Variants in ITSN1 observed in about 807,000 individuals in gnomAD.
The protein encoded by ITSN1 is intersectin 1.
Under a neutral mutation model 239.8 loss-of-function variants are expected in ITSN1, and 58 were observed. The ratio of observed to expected loss-of-function variants is 0.24; its 90% CI spans 0.20 to 0.30. The LOEUF (loss-of-function observed/expected upper bound fraction) is 0.30. Ranked by LOEUF, ITSN1 falls within the 10% of genes least tolerant of loss-of-function variation. ITSN1 has a pLI of 1.00. For missense variants in ITSN1, 1,558 were observed against 2,103.3 expected (o/e 0.74, Z 5.07); for synonymous variants, 780 against 770.8 (o/e 1.01, Z -0.20).
chr21:33,883,380 C>A (rs1248563447), intron 35 of ITSN1, among the ~76,000 whole-genome samples, 170 bp from the exon 36 acceptor site: 1 of 152,224 alleles, frequency 6.6e-6, no homozygotes, highest in African/African-American at 2.4e-5. Context: ...GAAACACACA[C>A]ACATGCTCAG....
At chr21:33,685,784 C>T (rs1244411012) in intron 1 of ITSN1, among the ~76,000 whole-genome samples, 1 of 152,136 alleles carries the variant, frequency 6.6e-6, no homozygotes, top group African/African-American at 2.4e-5. Flanking sequence ...TTGAGGGAGG[C>T]ATAAAGCTGT....
intron 1 of ITSN1, among the ~76,000 whole-genome samples, chr21:33,649,637 G>A (rs551249032): frequency 3.9e-5 from 6 of 152,254 alleles, no homozygotes; most frequent in South Asian, 2.1e-4. Flanking sequence ...GTGGTAGTGC[G>A]TTTGGCCCTT....
intron 1 of ITSN1, among the ~76,000 whole-genome samples, chr21:33,669,403 A>G (rs1472215559): frequency 6.6e-6 from 1 of 150,566 alleles, no homozygotes; most frequent in Non-Finnish European, 1.5e-5. Context: ...TTATATCTGC[A>G]TGAAAAAGGG....
chr21:33,786,434 T>C (rs2070688103), intron 16 of ITSN1, among the ~76,000 whole-genome samples: 1 of 152,288 alleles, frequency 6.6e-6, no homozygotes, highest in Non-Finnish European at 1.5e-5. Context: ...AAAAGGGTAG[T>C]TTTTCTTACA....
At chr21:33,781,667 G>T (rs915927955) in intron 15 of ITSN1, 119 bp downstream of exon 15, 1 of 611,564 alleles carries the variant, frequency 1.6e-6, no homozygotes, top group East Asian at 3.1e-5. Context: ...TGTAACCTCC[G>T]CCTCCCGGGT....
At chr21:33,874,209 G>A (rs1026841285) in intron 33 of ITSN1, among the ~76,000 whole-genome samples, 2 of 151,592 alleles carry the variant, frequency 1.3e-5, no homozygotes, top group African/African-American at 4.9e-5. Flanking sequence ...CAAATCATGG[G>A]TGGTCTGTGG....
chr21:33,659,345 G>C (rs545813356), intron 1 of ITSN1, among the ~76,000 whole-genome samples: 1 of 152,228 alleles, frequency 6.6e-6, no homozygotes, highest in Admixed American at 6.5e-5. Flanking sequence ...TTCCATGTTC[G>C]GTGAGTTGTT....
chr21:33,772,092 T>A lies in ITSN1; in HGVS notation c.1074T>A (p.Phe358Leu). 1 of 1,614,244 alleles carries A rather than the reference T, an allele frequency of 6.2e-7. No homozygotes were observed. Residue 358 changes from phenylalanine to leucine, a missense_variant, in exon 12 of 40, where the codon TTT becomes TTA. Phe to Leu is a conservative substitution (Grantham distance 22). This residue lies in a region of ITSN1 where 982 missense variants were observed against 1,209.9 expected (regional missense o/e 0.81). Coordinates refer to ENST00000381318, the MANE Select transcript of ITSN1 (RefSeq NM_003024.3). ...VTFEDKKREN[F>L]ERGNLELEKR... is the part of the protein sequence containing the mutation. ...TTGAAGATAAGAAGCGGGAGAACTT[T>A]GAACGTGGCAACCTGGAACTGGAGA...
chr21:33,698,649 A>G (rs1030577378), intron 1 of ITSN1, among the ~76,000 whole-genome samples: 7 of 152,140 alleles, frequency 4.6e-5, no homozygotes, highest in Admixed American at 1.3e-4. Context: ...CAGGTTGGCT[A>G]TATGTTTGGG....
chr21:33,717,976 G>A (rs1896168591), intron 1 of ITSN1, among the ~76,000 whole-genome samples: 1 of 152,170 alleles, frequency 6.6e-6, no homozygotes, highest in South Asian at 2.1e-4. Context: ...TTAGATTTGT[G>A]TTTGGTAGTC....
At chr21:33,652,039 G>GCC (rs1250963612) in intron 1 of ITSN1, among the ~76,000 whole-genome samples, 16 of 151,356 alleles carry the variant, frequency 1.1e-4, no homozygotes, top group African/African-American at 3.9e-4. Context: ...TATAAGGAAA[G>GCC]AAGACTAAAA....
intron 1 of ITSN1, among the ~76,000 whole-genome samples, chr21:33,673,000 C>A (rs1255629933): frequency 2.0e-5 from 3 of 151,988 alleles, no homozygotes; most frequent in Admixed American, 6.6e-5. Context: ...GGAGGCACCA[C>A]GCCTGGCGGA....
At chr21:33,840,294 T>C (rs2074777761) in intron 29 of ITSN1, among the ~76,000 whole-genome samples, 1 of 152,200 alleles carries the variant, frequency 6.6e-6, no homozygotes, top group Non-Finnish European at 1.5e-5. Flanking sequence ...GGATACTAGG[T>C]ATCTCCTATG....
At chr21:33,717,218 CAG>C (rs2065200721) in intron 1 of ITSN1, among the ~76,000 whole-genome samples, 3 of 149,562 alleles carry the variant, frequency 2.0e-5, no homozygotes, top group Admixed American at 1.3e-4. Context: ...GTTTTTGAGA[CAG>C]GGTCTCTCTC....
At chr21:33,686,434 A>T (rs1389842298) in intron 1 of ITSN1, among the ~76,000 whole-genome samples, 1 of 152,120 alleles carries the variant, frequency 6.6e-6, no homozygotes, top group Non-Finnish European at 1.5e-5. Flanking sequence ...CATAGCTGGA[A>T]TGCTAGAAAA....
chr21:33,665,006 T>C (rs962188339), intron 1 of ITSN1, among the ~76,000 whole-genome samples: 1 of 152,206 alleles, frequency 6.6e-6, no homozygotes, highest in African/African-American at 2.4e-5. Flanking sequence ...GGCTCACTAC[T>C]GTAATCCCAG....
intron 1 of ITSN1, among the ~76,000 whole-genome samples, chr21:33,647,770 A>G (rs2088112921): frequency 6.6e-6 from 1 of 152,206 alleles, no homozygotes; most frequent in Non-Finnish European, 1.5e-5. Context: ...TGCTGGGATC[A>G]CAGGCGTGAG....
intron 9 of ITSN1, among the ~76,000 whole-genome samples, chr21:33,762,360 G>T (rs7277191): frequency 6.6e-6 from 1 of 150,970 alleles, no homozygotes; most frequent in Non-Finnish European, 1.5e-5. Flanking sequence ...TCCACCTCCC[G>T]GGTTCAAGCG....
intron 1 of ITSN1, among the ~76,000 whole-genome samples, chr21:33,650,663 C>T (rs1264467126): frequency 6.6e-6 from 1 of 152,128 alleles, no homozygotes; most frequent in African/African-American, 2.4e-5. Context: ...CTCAGCTGCC[C>T]CAGTCTTGCA....
Sources: allele counts gnomAD v4.1 joint callset (sites outside exome capture counted in the v4.1 genomes callset), GRCh38; gene constraint gnomAD v4.1.1; regional missense constraint gnomAD v4.1.1; transcripts MANE v1.5; gene names NCBI Gene and HGNC (gene_info 2026-07-23, HGNC 2026-07-21).